The following SFI1 variants were observed in gnomAD, a reference collection of about 807,000 sequenced individuals.
SFI1 encodes SFI1 centrin binding protein.
SFI1 carries 195 observed loss-of-function variants against 207.5 expected under a neutral mutation model. The ratio of observed to expected loss-of-function variants is 0.94; its 90% CI spans 0.84 to 1.06. The LOEUF (loss-of-function observed/expected upper bound fraction) is 1.06. Ranked by LOEUF, SFI1 falls within the 50% of genes least tolerant of loss-of-function variation. The pLI is 0.00. For synonymous variants in SFI1, 630 were observed against 598.9 expected, an observed-to-expected ratio of 1.05 and a Z score of -0.76; for missense variants, 1,634 against 1,588.0, an observed-to-expected ratio of 1.03 and a Z score of -0.49.
At chr22:31,594,575 G>C (rs1270362342) in intron 15 of SFI1, among the ~76,000 whole-genome samples, 1 of 148,158 alleles carries the variant, frequency 6.7e-6, no homozygotes, top group Non-Finnish European at 1.5e-5. Flanking sequence ...AAAGAAAAAG[G>C]CCGGGCCTGG....
intron 10 of SFI1, among the ~76,000 whole-genome samples, chr22:31,575,975 T>G (rs1252907510): frequency 6.6e-6 from 1 of 152,090 alleles, no homozygotes; most frequent in African/African-American, 2.4e-5. Context: ...CACAGGTCAT[T>G]GGCAGAGTCA....
chr22:31,598,744 A>T (rs1603298018), intron 15 of SFI1, among the ~76,000 whole-genome samples: 3 of 11,116 alleles, frequency 2.7e-4, no homozygotes, highest in African/African-American at 5.8e-4. Flanking sequence ...TTTTTTGATG[A>T]GCAGAAGTGT....
At chr22:31,586,235 C>T (rs556910604) in intron 14 of SFI1, among the ~76,000 whole-genome samples, 5 of 152,104 alleles carry the variant, frequency 3.3e-5, no homozygotes, top group African/African-American at 1.2e-4. Context: ...GATGTCACCT[C>T]CTCCCCCAGG....
chr22:31,560,333 A>T (rs1272150846), intron 7 of SFI1, among the ~76,000 whole-genome samples: 1 of 152,032 alleles, frequency 6.6e-6, no homozygotes, highest in African/African-American at 2.4e-5. Context: ...CAAGACTAGA[A>T]ATCTAAAAGC....
At chr22:31,584,913 A>G (rs2064820003) in intron 13 of SFI1, among the ~76,000 whole-genome samples, 155 bp from the exon 14 acceptor site, 1 of 152,198 alleles carries the variant, frequency 6.6e-6, no homozygotes, top group Non-Finnish European at 1.5e-5. Context: ...ATTTTATATT[A>G]GATATCAGGT....
intron 1 of SFI1, chr22:31,497,156 T>C (rs2052817516): frequency 6.6e-6 from 1 of 152,230 alleles, no homozygotes; most frequent in South Asian, 2.1e-4. Context: ...TCAGGTTTCT[T>C]AACTGCTGTG....
intron 10 of SFI1, among the ~76,000 whole-genome samples, chr22:31,576,244 C>T (rs1053790862): frequency 6.6e-6 from 1 of 151,796 alleles, no homozygotes; most frequent in Non-Finnish European, 1.5e-5. Context: ...AGGCTGGTCT[C>T]GAACTCTTGA....
At chr22:31,499,647 GC>G (rs538514264) in intron 1 of SFI1, among the ~76,000 whole-genome samples, 55 of 152,278 alleles carry the variant, frequency 3.6e-4, no homozygotes, top group African/African-American at 1.3e-3. Flanking sequence ...CTATTAAATA[GC>G]ATTACATGCT....
rs749327267 is a variant in SFI1 at position 31,616,835 on chromosome 22, G to T, written c.3391G>T (p.Asp1131Tyr). 6.2e-7 allele frequency: 1 copy of T among 1,613,012 alleles called. No homozygotes were observed. The highest frequency in any genetic ancestry group is 1.7e-4 in the Middle Eastern group (1 of 6,056). Residue 1131 changes from aspartate to tyrosine, a missense_variant, in exon 30 of 33, where the codon GAC (aspartate) becomes TAC (tyrosine). By Grantham distance (160) the Asp-to-Tyr change is radical (BLOSUM62 -3). Transcript: ENST00000400288. ...TGACCCCCATCTACTCCTTCCTGGG[G>T]ACTTCTCAGCCACCAGGGCTGGGCC... ...VPDPHLLLPG[D>Y]FSATRAGPGL...
At chr22:31,526,527 A>T (rs1013830918) in intron 2 of SFI1, among the ~76,000 whole-genome samples, 2 of 152,132 alleles carry the variant, frequency 1.3e-5, no homozygotes, top group Admixed American at 1.3e-4. Flanking sequence ...TGCAGATGCG[A>T]TTTGGGTGGG....
At chr22:31,582,458 G>T (rs914380479) in intron 12 of SFI1, among the ~76,000 whole-genome samples, 2 of 150,514 alleles carry the variant, frequency 1.3e-5, no homozygotes, top group Non-Finnish European at 3.0e-5. Flanking sequence ...CACCGTGTTG[G>T]CCAGGCTGGT....
intron 9 of SFI1, 148 bp from the exon 10 acceptor site, chr22:31,575,081 AGT>A: frequency 2.6e-6 from 1 of 391,770 alleles, no homozygotes; most frequent in East Asian, 4.6e-5. Context: ...AAAAAAACTT[AGT>A]GCGTGTGTGT....
chr22:31,575,088 GTGTGTGTGTGTGT>G, intron 9 of SFI1, 130 bp from the exon 10 acceptor site: 1 of 8,914 alleles, frequency 1.1e-4, no homozygotes, highest in Non-Finnish European at 1.6e-4. Context: ...CTTAGTGCGT[GTGTGTGTGTGTGT>G]GTGTGTGTGT....
chr22:31,553,867 T>TTTTTTTTC (rs1293077499), intron 6 of SFI1, among the ~76,000 whole-genome samples: 5 of 116,144 alleles, frequency 4.3e-5, no homozygotes, highest in Non-Finnish European at 5.2e-5. Context: ...TTTTTTTTTT[T>TTTTTTTTC]TGCGAGAGTC....
chr22:31,617,171 GC>G, intron 31 of SFI1, 93 bp downstream of exon 31: 1 of 1,376,668 alleles, frequency 7.3e-7, no homozygotes, highest in Non-Finnish European at 1.0e-6. Flanking sequence ...CGAGCCAGCT[GC>G]CAGGGTCCTG....
chr22:31,588,007 T>C (rs1307483497), intron 14 of SFI1: 1 of 152,206 alleles, frequency 6.6e-6, no homozygotes, highest in African/African-American at 2.4e-5. Context: ...TATCTATTGC[T>C]ATGTAAAAAA....
intron 24 of SFI1, chr22:31,612,826 A>G: frequency 5.2e-6 from 2 of 385,062 alleles, no homozygotes; most frequent in Non-Finnish European, 9.6e-6. Context: ...ACAGAGCAGC[A>G]TCCACACGTC....
intron 15 of SFI1, among the ~76,000 whole-genome samples, chr22:31,591,893 C>T (rs1401344492): frequency 7.4e-4 from 37 of 49,900 alleles, no homozygotes; most frequent in Non-Finnish European, 8.9e-4. Context: ...GGTGGCTGGC[C>T]GGGCAGGGGG....
chr22:31,576,775 G>C (rs895345668), intron 10 of SFI1, among the ~76,000 whole-genome samples: 1 of 151,988 alleles, frequency 6.6e-6, no homozygotes, highest in Non-Finnish European at 1.5e-5. Flanking sequence ...GAGTAGCTGG[G>C]ATTACAGGCA....
Sources: gnomAD v4.1 joint callset for allele counts (sites outside exome capture counted in the v4.1 genomes callset) on GRCh38, gnomAD v4.1.1 for gene constraint, MANE v1.5 for transcripts, NCBI Gene and HGNC (gene_info 2026-07-23, HGNC 2026-07-21) for gene names.